The following CACNA1A variants were observed in gnomAD, a reference collection of about 807,000 sequenced individuals.
CACNA1A encodes calcium voltage-gated channel subunit alpha1 A.
In CACNA1A, 57 loss-of-function variants were observed where a neutral mutation model predicts 262.4. The observed-to-expected ratio is 0.22, with a 90% CI of 0.18 to 0.27. The LOEUF (loss-of-function observed/expected upper bound fraction) is 0.27. CACNA1A is among the 10% of genes least tolerant of loss of function. CACNA1A has a pLI of 1.00. For missense variants in CACNA1A, 2,526 were observed against 3,562.8 expected (o/e 0.71, Z 7.41); for synonymous variants, 1,431 against 1,419.3 (o/e 1.01, Z -0.18).
At chr19:13,500,739 C>T (rs897575187) in intron 1 of CACNA1A, among the ~76,000 whole-genome samples, 1 of 152,144 alleles carries the variant, frequency 6.6e-6, no homozygotes, top group African/African-American at 2.4e-5. Context: ...CACTAAAACC[C>T]ATAAGCCAAT....
In CACNA1A at chr19:13,206,694, A is replaced by AATTG. The variant is rs2054580001; in HGVS notation, c.*615_*618dup. 6.5e-6 allele frequency: 1 copy of AATTG among 153,202 alleles called. No homozygotes were observed. The allele number at this position is 153,202 out of a possible 1,614,324, so 9.5% of individuals were successfully genotyped here. ...GTTTATTGTTATTATTATTTTTTTA[A>AATTG]ATTGATTTCTGCAGGCAGTAATAGT... On this transcript the variant is annotated 3_prime_UTR_variant, in exon 47 of 47. Transcript: ENST00000360228.
intron 1 of CACNA1A, among the ~76,000 whole-genome samples, chr19:13,465,449 T>C (rs2061217348): frequency 6.6e-6 from 1 of 152,210 alleles, no homozygotes; most frequent in South Asian, 2.1e-4. Context: ...GCCTTTTGTG[T>C]CTGGCTTCTT....
At chr19:13,307,021 G>A (rs2144998084) in intron 15 of CACNA1A, among the ~76,000 whole-genome samples, 1 of 152,162 alleles carries the variant, frequency 6.6e-6, no homozygotes, top group Admixed American at 6.5e-5. Context: ...GGAGTATAGT[G>A]GTGTGATTGT....
At chr19:13,356,123 G>A (rs1218210219) in intron 6 of CACNA1A, among the ~76,000 whole-genome samples, 1 of 152,208 alleles carries the variant, frequency 6.6e-6, no homozygotes, top group African/African-American at 2.4e-5. Context: ...GGGGAATAAA[G>A]TAAGACCTCT....
At chr19:13,358,548 AAG>A (rs1480296173) in intron 6 of CACNA1A, among the ~76,000 whole-genome samples, 1 of 152,242 alleles carries the variant, frequency 6.6e-6, no homozygotes, top group East Asian at 1.9e-4. Flanking sequence ...TGGGATAAGA[AAG>A]AGGGGGGAGG....
At chr19:13,465,119 C>T (rs564955732) in intron 1 of CACNA1A, among the ~76,000 whole-genome samples, 2 of 151,756 alleles carry the variant, frequency 1.3e-5, no homozygotes, top group South Asian at 4.2e-4. Context: ...TTAGTAGAGA[C>T]ATGGTTTCAC....
intron 1 of CACNA1A, among the ~76,000 whole-genome samples, chr19:13,502,765 A>G (rs1156551826): frequency 1.3e-5 from 2 of 152,176 alleles, no homozygotes; most frequent in Non-Finnish European, 2.9e-5. Flanking sequence ...CCACTGAGGG[A>G]TGAAAGAGGA....
At chr19:13,403,669 C>A (rs2059950148) in intron 3 of CACNA1A, among the ~76,000 whole-genome samples, 1 of 152,146 alleles carries the variant, frequency 6.6e-6, no homozygotes, top group Non-Finnish European at 1.5e-5. Context: ...GGTGCAGTGG[C>A]TCATGCCTGT....
At chr19:13,350,889 C>T (rs867011807) in intron 6 of CACNA1A, among the ~76,000 whole-genome samples, 6 of 151,876 alleles carry the variant, frequency 4.0e-5, no homozygotes, top group Middle Eastern at 6.8e-3. Context: ...ACAGCCCTAG[C>T]TATTCAGGAG....
chr19:13,409,534 T>G (rs544707162), intron 3 of CACNA1A, among the ~76,000 whole-genome samples: 115 of 152,110 alleles, frequency 7.6e-4, no homozygotes, highest in South Asian at 1.0e-3. Flanking sequence ...CAAATAATAA[T>G]AAGAAGAAGA....
chr19:13,405,126 C>T (rs2059979528), intron 3 of CACNA1A, among the ~76,000 whole-genome samples: 1 of 151,960 alleles, frequency 6.6e-6, no homozygotes, highest in Non-Finnish European at 1.5e-5. Flanking sequence ...AAACTCCTGA[C>T]CTCAAGTGAT....
intron 3 of CACNA1A, among the ~76,000 whole-genome samples, chr19:13,410,596 C>T (rs1195451635): frequency 6.7e-6 from 1 of 148,598 alleles, no homozygotes; most frequent in Admixed American, 6.8e-5. Flanking sequence ...CCCCCACCAG[C>T]TAACACATGC....
chr19:13,407,686 A>G (rs1395800948), intron 3 of CACNA1A, among the ~76,000 whole-genome samples: 2 of 152,146 alleles, frequency 1.3e-5, no homozygotes, highest in South Asian at 2.1e-4. Flanking sequence ...TGCTGCAACA[A>G]TGCTTCTCTT....
At chr19:13,338,555 C>T (rs905281224) in intron 6 of CACNA1A, among the ~76,000 whole-genome samples, 1 of 85,690 alleles carries the variant, frequency 1.2e-5, no homozygotes, top group African/African-American at 4.0e-5. Context: ...AGAGAGGATA[C>T]ATGCAATGAA....
At chr19:13,313,330 G>A (rs991556752) in intron 11 of CACNA1A, among the ~76,000 whole-genome samples, 2 of 151,716 alleles carry the variant, frequency 1.3e-5, no homozygotes, top group Non-Finnish European at 1.5e-5. Flanking sequence ...GGCAAACCCC[G>A]CCTCTACTAA....
intron 3 of CACNA1A, among the ~76,000 whole-genome samples, chr19:13,429,941 C>T (rs928127303): frequency 9.4e-5 from 13 of 138,280 alleles, no homozygotes; most frequent in South Asian, 5.0e-4. Flanking sequence ...GAAACTAGAA[C>T]GGCGGGTGCC....
chr19:13,219,070 A>T (rs1345849085), intron 38 of CACNA1A, among the ~76,000 whole-genome samples: 1 of 116,998 alleles, frequency 8.5e-6, no homozygotes, highest in Non-Finnish European at 1.7e-5. Flanking sequence ...TTTCTAATAG[A>T]GTCTCACTCT....
At position 13,286,641 on chromosome 19, in the gene CACNA1A, T is replaced by A. The variant is rs561079904; in HGVS notation, c.3415A>T (p.Thr1139Ser). 1 of 1,403,010 alleles carries A rather than the reference T, an allele frequency of 7.1e-7. No individual in the cohort carries two copies. The highest frequency in any genetic ancestry group is 1.5e-5 in the African/African-American group (1 of 65,966). The allele number at this position is 1,403,010 out of a possible 1,614,324, so 86.9% of individuals were successfully genotyped here. Residue 1139 changes from threonine (T) to serine (S), a missense_variant, in exon 20 of 47, where the codon ACC (threonine) becomes TCC (serine). Around this residue, in one of 17 missense-constraint regions of CACNA1A, gnomAD observed 765 missense variants for 748.6 expected, o/e 1.02. Transcript: ENST00000360228. ...GNPSNPGPPK[T>S]PENSLIVTNP... ...GTGACGATAAGGCTATTCTCGGGGG[T>A]CTTGGGGGGGCCGGGATTGGATGGG...
intron 1 of CACNA1A, among the ~76,000 whole-genome samples, chr19:13,499,447 T>G (rs866667309): frequency 7.6e-3 from 668 of 87,610 alleles, no homozygotes; most frequent in African/African-American, 0.022. Flanking sequence ...TCGCAGGGGG[T>G]GGTGGGGGGG....
Sources: allele counts gnomAD v4.1 joint callset (sites outside exome capture counted in the v4.1 genomes callset), GRCh38; gene constraint gnomAD v4.1.1; regional missense constraint gnomAD v4.1.1; transcripts MANE v1.5; gene names NCBI Gene and HGNC (gene_info 2026-07-23, HGNC 2026-07-21).